Variants in SLC16A2 observed in about 807,000 individuals in gnomAD.
The protein encoded by SLC16A2 is monocarboxylate transporter 8.
SLC16A2 carries 3 observed loss-of-function variants against 27.2 expected under a neutral mutation model. That is an observed-to-expected ratio of 0.11 (90% CI 0.05 to 0.28). SLC16A2 has a LOEUF of 0.28. Among genes scored for constraint, SLC16A2 ranks in the 10% least tolerant of loss-of-function variants. SLC16A2 has a pLI of 1.00. For missense variants in SLC16A2, 295 were observed against 458.5 expected, an observed-to-expected ratio of 0.64 and a Z score of 3.26; for synonymous variants, 202 against 187.8, an observed-to-expected ratio of 1.08 and a Z score of -0.62.
chrX:74,523,436 G>T (rs1930440919), intron 2 of SLC16A2, among the ~76,000 whole-genome samples: 1 of 111,925 alleles, frequency 8.9e-6, no homozygotes, highest in Admixed American at 9.5e-5. Flanking sequence ...ATATATTGAG[G>T]CATCAAAAAG....
rs1929392958 is a variant in SLC16A2, at chrX:74,473,220, A to C, written c.431-47770A>C. 3 of 788,905 alleles carry C rather than the reference A, an allele frequency of 3.8e-6. No individual in the cohort carries two copies. In the East Asian group the frequency reaches 9.5e-5, roughly 25 times the overall value. The allele number at this position is 788,905 out of a possible 1,213,427, so 65.0% of individuals were successfully genotyped here. ...TTCCACCACCTCCAAAATTGCTTCCATCATTACCAAATCCATTATAGCCAT... is the reference window on the plus strand; with the variant it reads ...TTCCACCACCTCCAAAATTGCTTCCCTCATTACCAAATCCATTATAGCCAT... On this transcript the variant is annotated intron_variant, in intron 1 of 5. Transcript: ENST00000587091.
At chrX:74,430,359 C>A (rs1928514073) in intron 1 of SLC16A2, among the ~76,000 whole-genome samples, 1 of 111,633 alleles carries the variant, frequency 9.0e-6, no homozygotes, top group South Asian at 3.7e-4. Flanking sequence ...GTGTAGGGGG[C>A]AACTACCAAG....
intron 1 of SLC16A2, among the ~76,000 whole-genome samples, 186 bp downstream of exon 1, chrX:74,422,253 G>A (rs1928317798): frequency 8.9e-6 from 1 of 111,739 alleles, no homozygotes; most frequent in Non-Finnish European, 1.9e-5. Flanking sequence ...GCGGGGCTTT[G>A]GGCAGCTTGG....
chrX:74,523,810 G>A (rs1297784252), intron 2 of SLC16A2, among the ~76,000 whole-genome samples: 1 of 112,202 alleles, frequency 8.9e-6, no homozygotes, highest in Non-Finnish European at 1.9e-5. Flanking sequence ...TTGGGAGGGC[G>A]TATGTCTCAG....
chrX:74,426,246 C>T (rs960742054), intron 1 of SLC16A2, among the ~76,000 whole-genome samples: 1 of 112,326 alleles, frequency 8.9e-6, no homozygotes, highest in Admixed American at 9.5e-5. Flanking sequence ...AGAGCTAGAT[C>T]AGGTTGGCTT....
At chrX:74,426,970 T>A (rs1401774333) in intron 1 of SLC16A2, among the ~76,000 whole-genome samples, 1 of 112,031 alleles carries the variant, frequency 8.9e-6, no homozygotes, top group Non-Finnish European at 1.9e-5. Flanking sequence ...CAACCCTGCA[T>A]GTGGAGCTGC....
intron 1 of SLC16A2, among the ~76,000 whole-genome samples, chrX:74,453,839 T>A (rs943803542): frequency 8.1e-5 from 9 of 111,678 alleles, no homozygotes; most frequent in African/African-American, 2.0e-4. Flanking sequence ...ACCACACGCG[T>A]GTGCCACTGT....
At chrX:74,508,470 T>A (rs1157263022) in intron 1 of SLC16A2, among the ~76,000 whole-genome samples, 1 of 112,356 alleles carries the variant, frequency 8.9e-6, no homozygotes, top group Non-Finnish European at 1.9e-5. Context: ...CAAATGGTAT[T>A]TTTATTCGAT....
chrX:74,421,619 C>CCACA lies in SLC16A2; in HGVS notation c.-18_-15dup, dbSNP rs1173813403. 1 of 1,202,532 alleles carries CCACA rather than the reference C, an allele frequency of 8.3e-7. No homozygotes were observed. The highest frequency in any genetic ancestry group is 1.1e-6 in the Non-Finnish European group (1 of 892,779). On this transcript the variant is annotated 5_prime_UTR_variant, in exon 1 of 6. Transcript: ENST00000587091. Reference sequence around the variant, plus strand: ...AAAGCGGCTCCTCTGGCCCAAGCAGCCACAGTCCCCCCGCCGCGATGGCGC... The same window carrying CCACA: ...AAAGCGGCTCCTCTGGCCCAAGCAGCCACACACAGTCCCCCCGCCGCGATGGCGC...
intron 1 of SLC16A2, among the ~76,000 whole-genome samples, chrX:74,480,860 G>A (rs1172255909): frequency 1.8e-5 from 2 of 111,329 alleles, no homozygotes; most frequent in Admixed American, 1.9e-4. Flanking sequence ...ATTAGCCTTG[G>A]GATTTTCATA....
chrX:74,493,927 C>T (rs919561145), intron 1 of SLC16A2, among the ~76,000 whole-genome samples: 1 of 111,709 alleles, frequency 9.0e-6, no homozygotes, highest in African/African-American at 3.3e-5. Context: ...CGGGAACAAG[C>T]CTTCCAGCTG....
intron 1 of SLC16A2, among the ~76,000 whole-genome samples, chrX:74,457,448 C>T (rs1929058262): frequency 9.0e-6 from 1 of 111,079 alleles, no homozygotes; most frequent in African/African-American, 3.3e-5. Context: ...GTCCCCAAAC[C>T]CTGGTATGTG....
In SLC16A2 at chrX:74,528,857, C is replaced by T. The variant is rs144027066; in HGVS notation, c.1171-356C>T. Among the ~76,000 whole-genome samples the T allele has an allele frequency of 6.0e-3, 673 of 111,878 alleles. 4 individuals carry two copies. The highest frequency in any genetic ancestry group is 0.021 in the African/African-American group (643 of 30,729). ...ACACCGGTATGGCCTGATCCCAGAC[C>T]CTGATCCCTGGGGAAGCCAAATACA... On this transcript the variant is annotated intron_variant, in intron 4 of 5. Coordinates refer to ENST00000587091, the MANE Select transcript of SLC16A2 (RefSeq NM_006517.5).
At chrX:74,503,710 G>A (rs1930076439) in intron 1 of SLC16A2, among the ~76,000 whole-genome samples, 1 of 111,720 alleles carries the variant, frequency 9.0e-6, no homozygotes, top group Non-Finnish European at 1.9e-5. Flanking sequence ...CCTTGGAGAA[G>A]ACATTCAAAC....
In SLC16A2 at chrX:74,421,779, C is replaced by T. The variant is rs1323149896; in HGVS notation, c.142C>T (p.Pro48Ser). Residue 48 changes from proline to serine, a missense_variant, in exon 1 of 6, where the codon CCG (proline) becomes TCG (serine). Transcript: ENST00000587091. ...EPEPEPVPVP[P>S]PEPQPEPQPL... ...CGAGCCCGAGCCCGTGCCAGTGCCC[C>T]CGCCCGAGCCCCAGCCGGAGCCCCA... is the stretch of plus-strand genomic sequence containing the variant. The T allele has an allele frequency of 1.7e-6, 2 of 1,143,081 alleles. No individual in the cohort carries two copies. Among genetic ancestry groups the T allele is most frequent in the Non-Finnish European group, 2.3e-6 (2 of 855,522 alleles). 94.2% of individuals were successfully genotyped at this position (1,143,081 alleles called of 1,213,427 possible).
chrX:74,524,458 A>G lies in SLC16A2; in HGVS notation c.675A>G (p.Gln225=). The change falls in exon 3 of 6, where the codon CAA becomes CAG. Residue 225 remains glutamine (Q), a synonymous_variant. Coordinates refer to ENST00000587091, the MANE Select transcript of SLC16A2 (RefSeq NM_006517.5). ...TCGTCATCCTGGGCCACTACTTTCA[A>G]CGCCGCCTGGGTCTGGCCAATGGTG... ...PSLVILGHYF[Q]RRLGLANGVV... 8.3e-7 allele frequency: 1 copy of G among 1,211,311 alleles called. No individual in the cohort carries two copies. The highest frequency in any genetic ancestry group is 1.1e-6 in the Non-Finnish European group (1 of 895,407).
At chrX:74,459,245 T>TATATATATACACA (rs1569288361) in intron 1 of SLC16A2, among the ~76,000 whole-genome samples, 2 of 99,066 alleles carry the variant, frequency 2.0e-5, no homozygotes, top group Admixed American at 1.2e-4. Flanking sequence ...TATATATATA[T>TATATATATACACA]CTCACAAGTG....
chrX:74,487,806 GT>G (rs1187343509), intron 1 of SLC16A2, among the ~76,000 whole-genome samples: 1 of 108,709 alleles, frequency 9.2e-6, no homozygotes, highest in Non-Finnish European at 1.9e-5. Flanking sequence ...ATAATTGTTG[GT>G]TTTTTTTTCC....
intron 5 of SLC16A2, among the ~76,000 whole-genome samples, chrX:74,529,808 G>A (rs1340570159): frequency 9.3e-6 from 1 of 107,218 alleles, no homozygotes; most frequent in Non-Finnish European, 1.9e-5. Flanking sequence ...AGGTAGTTGG[G>A]TAGGAAGAGA....
Sources: allele counts gnomAD v4.1 joint callset (sites outside exome capture counted in the v4.1 genomes callset), GRCh38; gene constraint gnomAD v4.1.1; transcripts MANE v1.5; gene names NCBI Gene and HGNC (gene_info 2026-07-23, HGNC 2026-07-21).